PRPF18: variants seen among roughly 807,000 people sequenced by gnomAD.
The protein encoded by PRPF18 is pre-mRNA-splicing factor 18.
PRPF18 carries 38 observed loss-of-function variants against 46.5 expected under a neutral mutation model. The observed-to-expected ratio is 0.82, with a 90% CI of 0.63 to 1.07. The LOEUF is 1.07. PRPF18 is among the 50% of genes least tolerant of loss of function. The pLI, the probability that PRPF18 is intolerant of heterozygous loss-of-function variation, is 0.00. For missense variants in PRPF18, 263 were observed against 410.0 expected (o/e 0.64, Z 3.10); for synonymous variants, 152 against 146.7 (o/e 1.04, Z -0.26).
the PRPF18 span, chr10:13,654,009 T>C: frequency 6.2e-6 from 2 of 320,916 alleles, no homozygotes; most frequent in Admixed American, 9.0e-5. Context: ...ACACTGGCTG[T>C]TTCACCTGCC....
chr10:13,612,181 G>T (rs1386193622), intron 6 of PRPF18, among the ~76,000 whole-genome samples: 1 of 151,862 alleles, frequency 6.6e-6, no homozygotes, highest in Non-Finnish European at 1.5e-5. Context: ...CGACTGGTCT[G>T]CTTTTCTTGT....
chr10:13,632,724 T>C (rs1388889045), downstream of PRPF18: 2 of 152,220 alleles, frequency 1.3e-5, no homozygotes, highest in African/African-American at 4.8e-5. Flanking sequence ...AAGTTTTCCA[T>C]TTCCCTGAAG....
chr10:13,630,224 T>C (rs1238008091), intron 9 of PRPF18, 36 bp from the exon 10 acceptor site: 2 of 1,496,394 alleles, frequency 1.3e-6, no homozygotes, highest in East Asian at 2.3e-5. Context: ...AATTTAACCA[T>C]GTCATAACCA....
chr10:13,654,057 C>A, the PRPF18 span: 1 of 442,728 alleles, frequency 2.3e-6, no homozygotes. Flanking sequence ...CTCTTTCTCC[C>A]CCTGACATTC....
chr10:13,593,612 A>C (rs2079994370), intron 1 of PRPF18, among the ~76,000 whole-genome samples: 2 of 152,250 alleles, frequency 1.3e-5, no homozygotes, highest in Non-Finnish European at 2.9e-5. Context: ...AGAGAGGGGA[A>C]GGATGAATAT....
At chr10:13,651,686 C>A in the PRPF18 span, 1 of 562,226 alleles carries the variant, frequency 1.8e-6, no homozygotes, top group Admixed American at 3.1e-5. Context: ...ACAAAACATA[C>A]TCTGGGGGTC....
rs775931507 is a variant in PRPF18 at position 13,605,763 on chromosome 10, G to GGT, written c.363+19_363+20insGT. 8.0e-5 allele frequency: 128 copies of GGT among 1,600,272 alleles called. 2 individuals carry two copies. The South Asian group carries it at 1.2e-3, about 15-fold the overall frequency. ...TAACAAGGTAAGAGGACAGAACAAAGCTAGAAAAATACCACTGTACTGCAT... is the reference window on the plus strand; with the variant it reads ...TAACAAGGTAAGAGGACAGAACAAAGGTCTAGAAAAATACCACTGTACTGCAT... On this transcript the variant is annotated intron_variant, in intron 4 of 9. Transcript: ENST00000378572.
intron 9 of PRPF18, among the ~76,000 whole-genome samples, chr10:13,618,615 C>CAAAAAAAAAAAAAAAAAAAAAAAA: frequency 2.5e-5 from 1 of 39,982 alleles, no homozygotes; most frequent in Non-Finnish European, 4.9e-5. Context: ...AAGACCCTGT[C>CAAAAAAAAAAAAAAAAAAAAAAAA]AAAAAAAAAA....
intron 9 of PRPF18, among the ~76,000 whole-genome samples, chr10:13,622,822 C>G (rs928057849): frequency 2.0e-5 from 3 of 152,222 alleles, no homozygotes; most frequent in African/African-American, 7.2e-5. Context: ...GTCATCCCAA[C>G]TGGCTGAACC....
At chr10:13,608,296 G>A (rs1255015810) in intron 4 of PRPF18, among the ~76,000 whole-genome samples, 3 of 152,226 alleles carry the variant, frequency 2.0e-5, no homozygotes, top group Non-Finnish European at 4.4e-5. Flanking sequence ...CTCTGGACTG[G>A]TCTTCTAAGC....
chr10:13,612,768 C>T (rs1564458055), intron 6 of PRPF18, among the ~76,000 whole-genome samples: 1 of 151,846 alleles, frequency 6.6e-6, no homozygotes, highest in Non-Finnish European at 1.5e-5. Flanking sequence ...TACCACCATG[C>T]CCAGCTAATT....
At chr10:13,602,506 T>C (rs1471616859) in intron 3 of PRPF18, among the ~76,000 whole-genome samples, 1 of 151,068 alleles carries the variant, frequency 6.6e-6, no homozygotes, top group Admixed American at 6.6e-5. Context: ...GTCTTTTTCA[T>C]TATGTTTTTT....
chr10:13,639,284 G>A, the PRPF18 span: 1 of 152,136 alleles, frequency 6.6e-6, no homozygotes, highest in African/African-American at 2.4e-5. Context: ...TCAATTTATT[G>A]GACAAAAGCA....
chr10:13,654,872 T>A, the PRPF18 span: 1 of 276,918 alleles, frequency 3.6e-6, no homozygotes. Flanking sequence ...CCCATAGTCC[T>A]TTGAGCGAGA....
intron 4 of PRPF18, 35 bp downstream of exon 4, chr10:13,605,779 T>A: frequency 6.3e-7 from 1 of 1,576,386 alleles, no homozygotes; most frequent in South Asian, 1.2e-5. Flanking sequence ...AAAATACCAC[T>A]GTACTGCATT....
chr10:13,613,199 G>T (rs994228022), intron 6 of PRPF18, among the ~76,000 whole-genome samples: 1 of 151,868 alleles, frequency 6.6e-6, no homozygotes, highest in Non-Finnish European at 1.5e-5. Flanking sequence ...TCCAGGAAGG[G>T]TGCCCTTTAT....
the PRPF18 span, among the ~76,000 whole-genome samples, chr10:13,648,446 C>G: frequency 6.6e-6 from 1 of 152,164 alleles, no homozygotes. Context: ...CCTAACTCCA[C>G]GTGGTCCTGG....
chr10:13,596,423 T>C (rs750967182), intron 1 of PRPF18, among the ~76,000 whole-genome samples: 22 of 152,216 alleles, frequency 1.4e-4, no homozygotes, highest in Non-Finnish European at 2.5e-4. Context: ...ATTGGCCTTT[T>C]TCATAAGGTT....
intron 3 of PRPF18, among the ~76,000 whole-genome samples, chr10:13,603,383 C>T (rs1016447888): frequency 3.9e-5 from 6 of 152,030 alleles, no homozygotes; most frequent in African/African-American, 1.2e-4. Flanking sequence ...AAAGAAATTT[C>T]GAAGTCAGGT....
Sources: gnomAD v4.1 joint callset for allele counts (sites outside exome capture counted in the v4.1 genomes callset) on GRCh38, gnomAD v4.1.1 for gene constraint, MANE v1.5 for transcripts, NCBI Gene and HGNC (gene_info 2026-07-23, HGNC 2026-07-21) for gene names.